ARHGAP10: variants seen among roughly 807,000 people sequenced by gnomAD.
ARHGAP10 encodes the protein rho GTPase-activating protein 10.
In ARHGAP10, 87 loss-of-function variants were observed where a neutral mutation model predicts 108.6. The observed-to-expected ratio is 0.80, with a 90% confidence interval of 0.67 to 0.96. ARHGAP10 has a LOEUF of 0.96. Ranked by LOEUF, ARHGAP10 falls within the 40% of genes least tolerant of loss-of-function variation. The pLI is 0.00. For synonymous variants in ARHGAP10, 347 were observed against 341.1 expected (o/e 1.02, Z -0.19); for missense variants, 939 against 954.5 (o/e 0.98, Z 0.21).
In ARHGAP10 at chr4:148,027,361, T is replaced by C. The variant is rs147203598; in HGVS notation, c.1867+3948T>C. On this transcript the variant is annotated intron_variant, in intron 19 of 22. Coordinates refer to ENST00000336498, the MANE Select transcript of ARHGAP10 (RefSeq NM_024605.4). ...GCCAATTGGCAAGATTTAATAACATTTGAGTGTTGGTCTTACTTGGGTATC... is the reference window on the plus strand; with the variant it reads ...GCCAATTGGCAAGATTTAATAACATCTGAGTGTTGGTCTTACTTGGGTATC... 1.7e-3 allele frequency among the ~76,000 whole-genome samples: 257 copies of C among 152,312 alleles called. 1 individual carries two copies. Among genetic ancestry groups the C allele is most frequent in the African/African-American group, 5.8e-3 (242 of 41,574 alleles).
At chr4:147,820,439 C>G (rs921832661) in intron 1 of ARHGAP10, among the ~76,000 whole-genome samples, 3 of 151,934 alleles carry the variant, frequency 2.0e-5, no homozygotes, top group Admixed American at 6.6e-5. Flanking sequence ...GCAACCGCCA[C>G]CACGCCCGGC....
At chr4:147,780,516 C>T (rs930757112) in intron 1 of ARHGAP10, among the ~76,000 whole-genome samples, 1 of 150,872 alleles carries the variant, frequency 6.6e-6, no homozygotes, top group African/African-American at 2.4e-5. Context: ...GTCTCATTTG[C>T]GTGTCTTTTT....
At chr4:148,035,161 T>G (rs1229167786) in intron 19 of ARHGAP10, among the ~76,000 whole-genome samples, 1 of 152,218 alleles carries the variant, frequency 6.6e-6, no homozygotes, top group Non-Finnish European at 1.5e-5. Flanking sequence ...TAACAGCTGA[T>G]TCTCTCATCA....
chr4:148,019,719 C>A (rs1277958599), intron 18 of ARHGAP10, among the ~76,000 whole-genome samples: 1 of 151,426 alleles, frequency 6.6e-6, no homozygotes, highest in African/African-American at 2.4e-5. Context: ...GAGCCGAGAT[C>A]GCGCCATTGC....
intron 1 of ARHGAP10, among the ~76,000 whole-genome samples, chr4:147,802,332 G>C (rs148434383): frequency 6.6e-6 from 1 of 152,210 alleles, no homozygotes; most frequent in African/African-American, 2.4e-5. Flanking sequence ...AGAAGTTAGG[G>C]TGAAGCTTCT....
At chr4:147,934,452 A>C (rs1359317311) in intron 13 of ARHGAP10, among the ~76,000 whole-genome samples, 2 of 152,158 alleles carry the variant, frequency 1.3e-5, no homozygotes, top group Non-Finnish European at 2.9e-5. Flanking sequence ...TGAGCAGGTT[A>C]CTTTCTGTGC....
intron 9 of ARHGAP10, among the ~76,000 whole-genome samples, chr4:147,880,512 C>A (rs575264470): frequency 6.6e-6 from 1 of 152,262 alleles, no homozygotes; most frequent in East Asian, 1.9e-4. Context: ...TGATATCTTT[C>A]TGTTTTAGCC....
chr4:148,017,223 C>T (rs1741381239), intron 18 of ARHGAP10, among the ~76,000 whole-genome samples: 1 of 152,072 alleles, frequency 6.6e-6, no homozygotes, highest in Non-Finnish European at 1.5e-5. Flanking sequence ...GTGCAGCATT[C>T]CCTCCTCCAG....
At chr4:147,778,697 C>A (rs1730408601) in intron 1 of ARHGAP10, among the ~76,000 whole-genome samples, 1 of 152,152 alleles carries the variant, frequency 6.6e-6, no homozygotes, top group African/African-American at 2.4e-5. Flanking sequence ...ACACATGATT[C>A]CTGGATGTCG....
At chr4:147,980,846 G>A (rs989610246) in intron 18 of ARHGAP10, among the ~76,000 whole-genome samples, 1 of 152,090 alleles carries the variant, frequency 6.6e-6, no homozygotes, top group Non-Finnish European at 1.5e-5. Context: ...GATGTTCATA[G>A]TAGTCTCTGG....
chr4:147,943,628 G>A, intron 14 of ARHGAP10, among the ~76,000 whole-genome samples: 1 of 152,192 alleles, frequency 6.6e-6, no homozygotes, highest in Non-Finnish European at 1.5e-5. Context: ...CTTTTTATCT[G>A]TGCTTGTTAG....
chr4:148,051,686 A>G (rs953835225), intron 20 of ARHGAP10, among the ~76,000 whole-genome samples: 9 of 152,166 alleles, frequency 5.9e-5, no homozygotes, highest in Non-Finnish European at 8.8e-5. Flanking sequence ...GGCTTTGTTT[A>G]TCCTGAATGT....
chr4:147,999,496 G>A (rs577687020), intron 18 of ARHGAP10, among the ~76,000 whole-genome samples: 210 of 152,318 alleles, frequency 1.4e-3, no homozygotes, highest in African/African-American at 4.6e-3. Flanking sequence ...CTCCGGATCC[G>A]GCAGGGTGTC....
At chr4:147,742,049 AC>A (rs1285622579) in intron 1 of ARHGAP10, among the ~76,000 whole-genome samples, 1 of 149,910 alleles carries the variant, frequency 6.7e-6, no homozygotes, top group African/African-American at 2.5e-5. Context: ...GGCATCTTCT[AC>A]CCTCACTCTT....
chr4:147,827,586 A>T (rs747042098), intron 3 of ARHGAP10, among the ~76,000 whole-genome samples: 5 of 152,144 alleles, frequency 3.3e-5, no homozygotes, highest in Non-Finnish European at 7.4e-5. Context: ...CACCGGGACA[A>T]GGAGAAAAGG....
At chr4:147,790,903 A>C (rs1400928363) in intron 1 of ARHGAP10, among the ~76,000 whole-genome samples, 1 of 152,086 alleles carries the variant, frequency 6.6e-6, no homozygotes, top group Non-Finnish European at 1.5e-5. Context: ...AATCTCTGTG[A>C]GAGTTGAAGG....
intron 18 of ARHGAP10, among the ~76,000 whole-genome samples, chr4:147,979,164 C>T (rs1038266496): frequency 6.6e-6 from 1 of 152,128 alleles, no homozygotes; most frequent in African/African-American, 2.4e-5. Flanking sequence ...AGGTTTTCTT[C>T]TAGAATTTTT....
chr4:147,750,632 C>T (rs1409681344), intron 1 of ARHGAP10, among the ~76,000 whole-genome samples: 9 of 150,224 alleles, frequency 6.0e-5, no homozygotes, highest in African/African-American at 2.2e-4. Context: ...GTTGTAATCT[C>T]ACTCTGTAAC....
intron 1 of ARHGAP10, among the ~76,000 whole-genome samples, chr4:147,774,530 C>T (rs1428730453): frequency 2.0e-5 from 3 of 152,134 alleles, no homozygotes; most frequent in South Asian, 2.1e-4. Flanking sequence ...TTTTTCTTCC[C>T]CTCAGGTTTC....
Sources: allele counts gnomAD v4.1 joint callset (sites outside exome capture counted in the v4.1 genomes callset), GRCh38; gene constraint gnomAD v4.1.1; transcripts MANE v1.5; gene names NCBI Gene and HGNC (gene_info 2026-07-23, HGNC 2026-07-21).